Variants in ATXN8OS observed in about 807,000 individuals in gnomAD.
ATXN8OS encodes the protein ATXN8 opposite strand (non-protein coding).
At chr13:70,121,514 T>TC (rs1888360143) in intron 2 of ATXN8OS, among the ~76,000 whole-genome samples, 1 of 152,024 alleles carries the variant, frequency 6.6e-6, no homozygotes. Context: ...AAATGAATCA[T>TC]CCGGAAATAT....
chr13:70,157,920 T>C (rs1387792198), intron 4 of ATXN8OS, among the ~76,000 whole-genome samples: 1 of 152,156 alleles, frequency 6.6e-6, no homozygotes, highest in Non-Finnish European at 1.5e-5. Flanking sequence ...ATTTAAAATT[T>C]CCAATTAGTA....
At chr13:70,139,374 A>ACTACTACTACTACTG in intron 3 of ATXN8OS, 1 of 648,838 alleles carries the variant, frequency 1.5e-6, no homozygotes, top group Non-Finnish European at 2.5e-6. Flanking sequence ...TACTACTACT[A>ACTACTACTACTACTG]CTACTACTAC....
chr13:70,162,700 T>A (rs1232653020), intron 4 of ATXN8OS, among the ~76,000 whole-genome samples: 1 of 152,080 alleles, frequency 6.6e-6, no homozygotes, highest in Non-Finnish European at 1.5e-5. Context: ...AAGTGAGATT[T>A]TCTTTTAGTC....
At chr13:70,161,301 G>T (rs1329637691) in intron 4 of ATXN8OS, among the ~76,000 whole-genome samples, 1 of 152,026 alleles carries the variant, frequency 6.6e-6, no homozygotes, top group Non-Finnish European at 1.5e-5. Flanking sequence ...CTCATTTACT[G>T]TGTTTCCAGG....
At chr13:70,164,052 A>ATTC (rs200587527) in intron 4 of ATXN8OS, among the ~76,000 whole-genome samples, 33 of 14,658 alleles carry the variant, frequency 2.3e-3, no homozygotes, top group African/African-American at 4.1e-3. Flanking sequence ...GGAAGTTTTT[A>ATTC]TTCTTATTAT....
chr13:70,154,582 G>C (rs76292586), intron 4 of ATXN8OS, among the ~76,000 whole-genome samples: 12,608 of 152,204 alleles, frequency 0.083, 634 homozygotes, highest in Non-Finnish European at 0.099. Flanking sequence ...AGTGAAATAA[G>C]TTGTCCTGTA....
intron 3 of ATXN8OS, chr13:70,130,575 A>G (rs913661099): frequency 2.5e-6 from 1 of 397,048 alleles, no homozygotes; most frequent in African/African-American, 2.1e-5. Context: ...ACAACTTTTG[A>G]GATACCAATG....
chr13:70,163,403 A>G (rs1014052867), intron 4 of ATXN8OS, among the ~76,000 whole-genome samples: 1 of 151,664 alleles, frequency 6.6e-6, no homozygotes, highest in Non-Finnish European at 1.5e-5. Flanking sequence ...TCATTTTCCC[A>G]TATGTCCACC....
chr13:70,129,280 T>C (rs1007971321), intron 2 of ATXN8OS, among the ~76,000 whole-genome samples: 10 of 152,180 alleles, frequency 6.6e-5, no homozygotes, highest in African/African-American at 2.4e-4. Flanking sequence ...ATAGTTTATT[T>C]GAAGGATTGG....
chr13:70,112,253 C>A (rs909239011), intron 1 of ATXN8OS, among the ~76,000 whole-genome samples: 1 of 152,062 alleles, frequency 6.6e-6, no homozygotes, highest in East Asian at 1.9e-4. Flanking sequence ...ACTCTAGCAC[C>A]GGGGATTATA....
At chr13:70,144,008 G>T (rs186061463) in intron 3 of ATXN8OS, among the ~76,000 whole-genome samples, 3 of 152,058 alleles carry the variant, frequency 2.0e-5, no homozygotes, top group Admixed American at 6.6e-5. Context: ...TACCTTTATT[G>T]GTTTTTATCA....
chr13:70,154,199 G>T (rs1888908070), intron 4 of ATXN8OS, among the ~76,000 whole-genome samples: 1 of 152,136 alleles, frequency 6.6e-6, no homozygotes, highest in Non-Finnish European at 1.5e-5. Context: ...AGGCATGTGG[G>T]GTTGGGGAAT....
At chr13:70,168,705 C>T (rs1295374308) in intron 4 of ATXN8OS, among the ~76,000 whole-genome samples, 1 of 151,540 alleles carries the variant, frequency 6.6e-6, no homozygotes, top group Non-Finnish European at 1.5e-5. Flanking sequence ...CATGTTGCTA[C>T]AAATGACAAA....
intron 3 of ATXN8OS, among the ~76,000 whole-genome samples, chr13:70,134,043 T>C (rs1888571851): frequency 6.6e-6 from 1 of 152,192 alleles, no homozygotes; most frequent in Non-Finnish European, 1.5e-5. Flanking sequence ...TGTTTTATTT[T>C]TATTTTTTAT....
At chr13:70,164,880 G>GA (rs1191525041) in intron 4 of ATXN8OS, among the ~76,000 whole-genome samples, 1 of 151,658 alleles carries the variant, frequency 6.6e-6, no homozygotes, top group African/African-American at 2.4e-5. Flanking sequence ...AAGAATTGTG[G>GA]AAAATTTCTA....
At chr13:70,120,406 A>G (rs1014268068) in intron 2 of ATXN8OS, among the ~76,000 whole-genome samples, 4 of 152,136 alleles carry the variant, frequency 2.6e-5, no homozygotes, top group African/African-American at 9.7e-5. Flanking sequence ...AAGACCATCT[A>G]ATATAGACAG....
At chr13:70,128,492 C>T (rs1291558707) in intron 2 of ATXN8OS, among the ~76,000 whole-genome samples, 5 of 151,744 alleles carry the variant, frequency 3.3e-5, no homozygotes, top group African/African-American at 7.3e-5. Context: ...AGTAGAAACA[C>T]CTTACTTTAG....
chr13:70,150,817 G>T (rs1479672642), intron 4 of ATXN8OS, among the ~76,000 whole-genome samples: 1 of 152,074 alleles, frequency 6.6e-6, no homozygotes, highest in Non-Finnish European at 1.5e-5. Flanking sequence ...GCAAAGCCAT[G>T]CTTCACTACC....
At chr13:70,132,466 T>C (rs1267301105) in intron 3 of ATXN8OS, among the ~76,000 whole-genome samples, 5 of 150,412 alleles carry the variant, frequency 3.3e-5, no homozygotes, top group African/African-American at 7.3e-5. Flanking sequence ...GACTACTAGA[T>C]GGGGAAGGGA....
Sources: allele counts gnomAD v4.1 joint callset (sites outside exome capture counted in the v4.1 genomes callset), GRCh38; gene constraint gnomAD v4.1.1; transcripts MANE v1.5; gene names NCBI Gene and HGNC (gene_info 2026-07-23, HGNC 2026-07-21).